Variants in SCHIP1 observed in about 807,000 individuals in gnomAD.
SCHIP1 encodes the protein schwannomin interacting protein 1.
Under a neutral mutation model 29.7 loss-of-function variants are expected in SCHIP1, and 8 were observed. The observed-to-expected ratio is 0.27, with a 90% CI of 0.16 to 0.49. The LOEUF (loss-of-function observed/expected upper bound fraction) is 0.49, where lower values mean the gene tolerates loss of function less well. Among genes scored for constraint, SCHIP1 ranks in the 20% least tolerant of loss-of-function variants. SCHIP1 has a pLI of 0.99. For missense variants in SCHIP1, 193 were observed against 294.6 expected, an observed-to-expected ratio of 0.66 and a Z score of 2.52; for synonymous variants, 76 against 94.9, an observed-to-expected ratio of 0.80 and a Z score of 1.16.
At chr3:159,475,380 A>G in the SCHIP1 span, among the ~76,000 whole-genome samples, 2,028 of 152,316 alleles carry the variant, frequency 0.013, 23 homozygotes, top group Non-Finnish European at 0.019. Flanking sequence ...AGACAAATCC[A>G]TAAAGACAAA....
the SCHIP1 span, among the ~76,000 whole-genome samples, chr3:159,317,296 G>T: frequency 6.6e-6 from 1 of 152,184 alleles, no homozygotes. Flanking sequence ...TGTCCAGGTG[G>T]CAATCTTAAC....
At chr3:159,734,813 T>TTG in the SCHIP1 span, among the ~76,000 whole-genome samples, 1 of 144,130 alleles carries the variant, frequency 6.9e-6, no homozygotes, top group African/African-American at 2.7e-5. Context: ...TTTTTTTCTA[T>TTG]TGCCTGGGAA....
chr3:159,284,451 T>G, the SCHIP1 span, among the ~76,000 whole-genome samples: 1 of 152,182 alleles, frequency 6.6e-6, no homozygotes, highest in African/African-American at 2.4e-5. Flanking sequence ...CACTTTGATA[T>G]TTTAATGTAA....
At chr3:159,428,889 C>T in the SCHIP1 span, among the ~76,000 whole-genome samples, 1 of 152,134 alleles carries the variant, frequency 6.6e-6, no homozygotes, top group Admixed American at 6.5e-5. Flanking sequence ...AGTTCATGTC[C>T]TTTGTAGGGA....
At chr3:159,457,796 G>A in the SCHIP1 span, among the ~76,000 whole-genome samples, 2 of 151,928 alleles carry the variant, frequency 1.3e-5, no homozygotes, top group Non-Finnish European at 1.5e-5. Flanking sequence ...TAGAAATTAG[G>A]CACAGTAAGA....
At chr3:159,591,211 A>G in the SCHIP1 span, among the ~76,000 whole-genome samples, 1 of 152,214 alleles carries the variant, frequency 6.6e-6, no homozygotes, top group African/African-American at 2.4e-5. Flanking sequence ...TGTCATCTAC[A>G]AACAGACAAT....
At chr3:159,834,894 C>G (rs921469966), upstream of SCHIP1, among the ~76,000 whole-genome samples, 1 of 152,160 alleles carries the variant, frequency 6.6e-6, no homozygotes, top group Non-Finnish European at 1.5e-5. Flanking sequence ...TATGCATATG[C>G]AGATATTCCA....
rs965866674 is a variant in SCHIP1 at position 159,887,958 on chromosome 3, G to A, written c.465+53G>A. On this transcript the variant is annotated intron_variant, in intron 4 of 6. Transcript: ENST00000445224. ...AAGTGTTTGGGAGCCAGAAATGGTT[G>A]ACACTGTCCCAGTCCTTTCCCAGAA... 17 of 1,601,344 alleles carry A rather than the reference G, an allele frequency of 1.1e-5. No individual in the cohort carries two copies. The African/African-American group carries it at 2.3e-4, about 21-fold the overall frequency.
chr3:159,396,014 T>C, the SCHIP1 span, among the ~76,000 whole-genome samples: 11 of 151,818 alleles, frequency 7.2e-5, no homozygotes, highest in Admixed American at 1.3e-4. Flanking sequence ...CTGTGTTGGG[T>C]GCATATATAT....
the SCHIP1 span, among the ~76,000 whole-genome samples, chr3:159,700,891 G>C: frequency 2.6e-5 from 4 of 152,018 alleles, no homozygotes; most frequent in African/African-American, 9.7e-5. Flanking sequence ...CAAGTTACAG[G>C]CAGTAGGTAT....
chr3:159,529,928 A>G, the SCHIP1 span, among the ~76,000 whole-genome samples: 70 of 152,332 alleles, frequency 4.6e-4, no homozygotes, highest in Non-Finnish European at 3.5e-4. Context: ...GCTGCAAATG[A>G]CAAGATTTCA....
At chr3:159,487,059 C>T in the SCHIP1 span, among the ~76,000 whole-genome samples, 4 of 152,190 alleles carry the variant, frequency 2.6e-5, no homozygotes, top group Non-Finnish European at 5.9e-5. Flanking sequence ...GCACCTTCAA[C>T]AGAGCAGAGG....
the SCHIP1 span, among the ~76,000 whole-genome samples, chr3:159,786,693 G>GTGTGTGTGTGTGTGTA: frequency 3.4e-5 from 5 of 147,024 alleles, no homozygotes; most frequent in East Asian, 6.0e-4. Flanking sequence ...GTGTGTGTGT[G>GTGTGTGTGTGTGTGTA]TGTCTGCGCG....
chr3:159,627,656 G>T, the SCHIP1 span, among the ~76,000 whole-genome samples: 1 of 152,186 alleles, frequency 6.6e-6, no homozygotes, highest in Non-Finnish European at 1.5e-5. Flanking sequence ...TAGTGAGATG[G>T]CCTAGCCAGG....
At chr3:159,777,158 T>C in the SCHIP1 span, among the ~76,000 whole-genome samples, 1 of 152,208 alleles carries the variant, frequency 6.6e-6, no homozygotes, top group African/African-American at 2.4e-5. Flanking sequence ...CTAACAAATA[T>C]CTGCTGTCCA....
chr3:159,375,699 T>C, the SCHIP1 span: 1 of 555,894 alleles, frequency 1.8e-6, no homozygotes, highest in Non-Finnish European at 2.3e-6. Flanking sequence ...ATCATGCCAT[T>C]GCACTCCAGC....
At chr3:159,305,080 C>A in the SCHIP1 span, among the ~76,000 whole-genome samples, 2 of 152,126 alleles carry the variant, frequency 1.3e-5, no homozygotes, top group African/African-American at 2.4e-5. Context: ...TTCCTTCATC[C>A]CCTCTTCCAG....
chr3:159,701,482 A>G, the SCHIP1 span, among the ~76,000 whole-genome samples: 1 of 152,204 alleles, frequency 6.6e-6, no homozygotes, highest in Non-Finnish European at 1.5e-5. Context: ...TTAATTGCAT[A>G]GTCATCAAAG....
the SCHIP1 span, among the ~76,000 whole-genome samples, chr3:159,814,597 G>A: frequency 6.6e-6 from 1 of 152,224 alleles, no homozygotes; most frequent in African/African-American, 2.4e-5. Context: ...CCCCCAGAAA[G>A]CTGTAGCTGG....
Sources: gnomAD v4.1 joint callset for allele counts (sites outside exome capture counted in the v4.1 genomes callset) on GRCh38, gnomAD v4.1.1 for gene constraint, MANE v1.5 for transcripts, NCBI Gene and HGNC (gene_info 2026-07-23, HGNC 2026-07-21) for gene names.